The following ADGRV1 variants were observed in gnomAD, a reference collection of about 807,000 sequenced individuals.
ADGRV1 encodes adhesion G protein-coupled receptor V1.
ADGRV1 carries 359 observed loss-of-function variants against 596.2 expected under a neutral mutation model. The observed-to-expected ratio is 0.60, with a 90% CI of 0.55 to 0.66. The LOEUF (loss-of-function observed/expected upper bound fraction) is 0.66, where lower values mean the gene tolerates loss of function less well. ADGRV1 is among the 30% of genes least tolerant of loss of function. The pLI is 0.00. For missense variants in ADGRV1, 7,274 were observed against 7,575.6 expected (o/e 0.96, Z 1.48); for synonymous variants, 2,681 against 2,679.2 (o/e 1.00, Z -0.02).
chr5:90,802,963 G>C, intron 71 of ADGRV1, 81 bp downstream of exon 71: 16 of 1,184,924 alleles, frequency 1.4e-5, no homozygotes, highest in Non-Finnish European at 1.8e-5. Flanking sequence ...CTTAGAGCTA[G>C]AATTTCTCAT....
intron 83 of ADGRV1, among the ~76,000 whole-genome samples, chr5:90,869,666 ACTTTT>A (rs1212960350): frequency 1.3e-5 from 2 of 152,150 alleles, no homozygotes; most frequent in Non-Finnish European, 2.9e-5. Flanking sequence ...AAATTTCTGC[ACTTTT>A]CTTGTCTGTC....
intron 2 of ADGRV1, among the ~76,000 whole-genome samples, chr5:90,616,836 T>C (rs77573393): frequency 0.018 from 2,677 of 152,314 alleles, 73 homozygotes; most frequent in African/African-American, 0.061. Context: ...TACTATCGAA[T>C]ACTGGAACCC....
chr5:91,010,613 C>T (rs17571867), intron 85 of ADGRV1, among the ~76,000 whole-genome samples: 2,796 of 151,926 alleles, frequency 0.018, 41 homozygotes, highest in Middle Eastern at 0.027. Context: ...TGACAGTCAC[C>T]CCATAATACA....
rs1214048445 is a variant in ADGRV1, at chr5:91,162,279, GT to G, written c.18803-1502del. Among the ~76,000 whole-genome samples, 8 of 152,220 alleles carry G rather than the reference GT, an allele frequency of 5.3e-5. No individual in the cohort carries two copies. The East Asian group carries it at 1.5e-3, about 29-fold the overall frequency. ...AGAAAGATAGGAAGGACATAATCCAGTGGGGGGGTCAGAAATTTTAAAAGAG... is the reference window on the plus strand; with the variant it reads ...AGAAAGATAGGAAGGACATAATCCAGGGGGGGGTCAGAAATTTTAAAAGAG... On this transcript the variant is annotated intron_variant, in intron 89 of 89. Coordinates refer to ENST00000405460, the MANE Select transcript of ADGRV1 (RefSeq NM_032119.4).
At chr5:90,571,045 C>T (rs994345645) in intron 1 of ADGRV1, among the ~76,000 whole-genome samples, 2 of 151,994 alleles carry the variant, frequency 1.3e-5, no homozygotes, top group Non-Finnish European at 2.9e-5. Context: ...AGTTCAGATT[C>T]TCCCTCTTCC....
chr5:90,881,735 A>T (rs1769795231), intron 83 of ADGRV1, among the ~76,000 whole-genome samples: 1 of 149,532 alleles, frequency 6.7e-6, no homozygotes, highest in South Asian at 2.1e-4. Context: ...GTGGGACTTT[A>T]AAAAAAAAAT....
intron 84 of ADGRV1, among the ~76,000 whole-genome samples, chr5:90,969,669 T>G (rs971792544): frequency 1.3e-5 from 2 of 152,222 alleles, no homozygotes; most frequent in African/African-American, 4.8e-5. Context: ...GAATTATCCA[T>G]CTGTTTGCTC....
intron 20 of ADGRV1, 66 bp downstream of exon 20, chr5:90,654,018 A>G: frequency 6.7e-7 from 1 of 1,498,192 alleles, no homozygotes; most frequent in Non-Finnish European, 9.1e-7. Flanking sequence ...ATTAAAATTT[A>G]GATTTTTAAA....
chr5:90,595,643 C>T lies in ADGRV1; in HGVS notation c.23-19192C>T, dbSNP rs1302089652. On this transcript the variant is annotated intron_variant, in intron 1 of 89. Coordinates refer to ENST00000405460, the MANE Select transcript of ADGRV1 (RefSeq NM_032119.4). Reference sequence around the variant, plus strand: ...CCCCCCACCTCCCTCCCGGACGGGGCGGCTGGCCGGGCGGGGAACTGACCC... The same window carrying T: ...CCCCCCACCTCCCTCCCGGACGGGGTGGCTGGCCGGGCGGGGAACTGACCC... Among the ~76,000 whole-genome samples, 13 of 126,608 alleles carry T rather than the reference C, an allele frequency of 1.0e-4. No homozygotes were observed. In the South Asian group the frequency reaches 2.4e-3, roughly 24 times the overall value. The allele number at this position is 126,608 out of a possible 152,430, so 83.1% of individuals were successfully genotyped here.
chr5:90,665,977 G>C (rs1296928805), intron 21 of ADGRV1, among the ~76,000 whole-genome samples: 8 of 150,700 alleles, frequency 5.3e-5, no homozygotes, highest in Non-Finnish European at 1.0e-4. Context: ...TGGTCTGAGA[G>C]ATAGTTTGTT....
rs748220397 is a variant in ADGRV1 at position 90,965,461 on chromosome 5, A to T, written c.17903A>T (p.Glu5968Val). 2.9e-5 allele frequency: 47 copies of T among 1,613,874 alleles called. No individual in the cohort carries two copies. The highest frequency in any genetic ancestry group is 4.0e-5 in the Non-Finnish European group (47 of 1,179,770). Residue 5968 changes from glutamate (E) to valine (V), a missense_variant, in exon 84 of 90, where the codon GAG (glutamate) becomes GTG (valine). Around this residue, in one of 5 missense-constraint regions of ADGRV1, gnomAD observed 1,874 missense variants for 1,970.2 expected, o/e 0.95. Transcript: ENST00000405460. ...SAYASPQLAE[E>V]SCSAMAAVTH... ...TACGCAAGTCCCCAACTCGCTGAGG[A>T]GAGCTGTTCAGCTATGGCTGCTGTC... is the stretch of plus-strand genomic sequence containing the variant.
chr5:90,853,661 G>A, intron 80 of ADGRV1, 128 bp downstream of exon 80: 1 of 798,596 alleles, frequency 1.3e-6, no homozygotes, highest in Non-Finnish European at 1.9e-6. Context: ...TATGAAATGT[G>A]TTCCATCTTT....
chr5:91,163,859 G>A lies in ADGRV1; in HGVS notation c.18880G>A (p.Val6294Met), dbSNP rs779615989. 2.8e-5 allele frequency: 45 copies of A among 1,604,802 alleles called. No homozygotes were observed. Among genetic ancestry groups the A allele is most frequent in the South Asian group, 1.4e-4 (13 of 89,964 alleles). Residue 6294 changes from valine (V) to methionine (M), a missense_variant, in exon 90 of 90, where the codon GTG becomes ATG. Val to Met is a conservative substitution (Grantham distance 21). Coordinates refer to ENST00000405460, the MANE Select transcript of ADGRV1 (RefSeq NM_032119.4). ...EGGTLTDSQI[V>M]ELRRIPIADT... Reference sequence around the variant, plus strand: ...GGGCACCTTGACTGACTCCCAGATCGTGGAGCTCAGGAGGATACCCATCGC... The same window carrying A: ...GGGCACCTTGACTGACTCCCAGATCATGGAGCTCAGGAGGATACCCATCGC...
At chr5:90,778,674 G>A in intron 63 of ADGRV1, 65 bp downstream of exon 63, 1 of 1,324,172 alleles carries the variant, frequency 7.6e-7, no homozygotes, top group South Asian at 1.8e-5. Flanking sequence ...ATGTTTTCTT[G>A]TTTCTATTCC....
chr5:90,993,154 CTTTTT>C (rs1235025923), intron 85 of ADGRV1, among the ~76,000 whole-genome samples: 3 of 97,662 alleles, frequency 3.1e-5, no homozygotes, highest in Non-Finnish European at 5.9e-5. Context: ...TTGGTTTTCA[CTTTTT>C]TTTTTTTTTT....
At chr5:90,654,105 G>A in intron 20 of ADGRV1, 153 bp downstream of exon 20, 1 of 806,980 alleles carries the variant, frequency 1.2e-6, no homozygotes, top group Non-Finnish European at 2.0e-6. Flanking sequence ...TGCCTACCAA[G>A]ATAATGAGAA....
At chr5:91,048,836 C>G (rs1786064011) in intron 85 of ADGRV1, among the ~76,000 whole-genome samples, 1 of 152,112 alleles carries the variant, frequency 6.6e-6, no homozygotes, top group Non-Finnish European at 1.5e-5. Context: ...TGTAAAGTGA[C>G]TTAAATAAAT....
chr5:90,637,124 A>C (rs1266300216), intron 10 of ADGRV1, among the ~76,000 whole-genome samples: 1 of 152,178 alleles, frequency 6.6e-6, no homozygotes, highest in Non-Finnish European at 1.5e-5. Context: ...ATAGGGAATC[A>C]TTAGCTTTAT....
chr5:90,792,650 A>G (rs1760214878), intron 70 of ADGRV1: 1 of 152,242 alleles, frequency 6.6e-6, no homozygotes, highest in Non-Finnish European at 1.5e-5. Flanking sequence ...CTGGTCACAA[A>G]AACAGCGCCA....
Sources: gnomAD v4.1 joint callset for allele counts (sites outside exome capture counted in the v4.1 genomes callset) on GRCh38, gnomAD v4.1.1 for gene constraint, gnomAD v4.1.1 regional missense constraint, MANE v1.5 for transcripts, NCBI Gene and HGNC (gene_info 2026-07-23, HGNC 2026-07-21) for gene names.